The following TMCC3 variants were observed in gnomAD, a reference collection of about 807,000 sequenced individuals.
TMCC3 encodes transmembrane and coiled-coil domain protein 3.
A neutral mutation model predicts 40.2 loss-of-function variants in TMCC3; 28 were observed. That is an observed-to-expected ratio of 0.70 (90% CI 0.52 to 0.95). The LOEUF (loss-of-function observed/expected upper bound fraction) is 0.95. Among genes scored for constraint, TMCC3 ranks in the 40% least tolerant of loss-of-function variants. The pLI, the probability that TMCC3 is intolerant of heterozygous loss-of-function variation, is 0.00. For synonymous variants in TMCC3, 255 were observed against 248.5 expected, an observed-to-expected ratio of 1.03 and a Z score of -0.25; for missense variants, 554 against 615.2, an observed-to-expected ratio of 0.90 and a Z score of 1.05.
chr12:94,608,485 A>G (rs2068796357), intron 1 of TMCC3, among the ~76,000 whole-genome samples: 1 of 151,480 alleles, frequency 6.6e-6, no homozygotes, highest in African/African-American at 2.4e-5. Context: ...GCTCCCTCCA[A>G]CACCTGACAC....
chr12:94,597,742 G>A (rs1341347913), intron 1 of TMCC3, among the ~76,000 whole-genome samples: 1 of 152,042 alleles, frequency 6.6e-6, no homozygotes, highest in Non-Finnish European at 1.5e-5. Context: ...GGGAGGCGGA[G>A]GTTGCAGTGA....
chr12:94,606,368 TTC>T (rs1242751347), intron 1 of TMCC3, among the ~76,000 whole-genome samples: 15 of 73,404 alleles, frequency 2.0e-4, no homozygotes, highest in African/African-American at 6.1e-4. Context: ...TTTTTTCTTA[TTC>T]TTTTTTTTTT....
chr12:94,607,083 G>T (rs546156445), intron 1 of TMCC3, among the ~76,000 whole-genome samples: 9 of 152,222 alleles, frequency 5.9e-5, no homozygotes, highest in Middle Eastern at 3.4e-3. Context: ...CATTCCTTCC[G>T]CACGGTATTC....
At chr12:94,598,747 T>C in intron 1 of TMCC3, 3 of 985,446 alleles carry the variant, frequency 3.0e-6, no homozygotes, top group Non-Finnish European at 3.6e-6. Flanking sequence ...AAGATTCGTG[T>C]TTCAGGCAGA....
chr12:94,612,380 G>A (rs955309266), intron 1 of TMCC3, among the ~76,000 whole-genome samples: 12 of 151,802 alleles, frequency 7.9e-5, no homozygotes, highest in African/African-American at 2.4e-4. Context: ...GTGCGATCTC[G>A]GCTCACTGCA....
intron 1 of TMCC3, among the ~76,000 whole-genome samples, chr12:94,645,630 G>A (rs539096825): frequency 3.3e-5 from 5 of 152,152 alleles, no homozygotes; most frequent in African/African-American, 7.2e-5. Context: ...AGTAGAGACC[G>A]GATTTTACCA....
intron 1 of TMCC3, among the ~76,000 whole-genome samples, chr12:94,638,175 AAGAGTGATCT>A (rs1168379968): frequency 6.6e-6 from 1 of 152,166 alleles, no homozygotes; most frequent in African/African-American, 2.4e-5. Context: ...GTAAAAATAA[AAGAGTGATCT>A]AGCTGGAGAA....
rs117339474 is a variant in TMCC3, at chr12:94,645,920, T to C, written c.78+4433A>G. On this transcript the variant is annotated intron_variant, in intron 1 of 3. Coordinates refer to ENST00000261226, the MANE Select transcript of TMCC3 (RefSeq NM_020698.4). ...GTGGTTAACATCTATTGATTTCTTATTGTGCACCCGGCATGGAGTTAAACA... is the reference window on the plus strand; with the variant it reads ...GTGGTTAACATCTATTGATTTCTTACTGTGCACCCGGCATGGAGTTAAACA... Among the ~76,000 whole-genome samples the C allele has an allele frequency of 4.6e-3, 693 of 152,288 alleles. 44 individuals carry two copies. The East Asian group carries it at 0.12, about 26-fold the overall frequency.
At chr12:94,604,222 A>T (rs2068769194) in intron 1 of TMCC3, among the ~76,000 whole-genome samples, 1 of 152,218 alleles carries the variant, frequency 6.6e-6, no homozygotes, top group African/African-American at 2.4e-5. Flanking sequence ...TTATTACATA[A>T]TAGTCATTTA....
intron 1 of TMCC3, among the ~76,000 whole-genome samples, chr12:94,645,053 G>C (rs1304385411): frequency 6.6e-6 from 1 of 152,138 alleles, no homozygotes; most frequent in East Asian, 1.9e-4. Context: ...AAGAATAAAT[G>C]AGATACACCC....
chr12:94,577,803 GA>G (rs1290839858), intron 3 of TMCC3, among the ~76,000 whole-genome samples: 2 of 152,066 alleles, frequency 1.3e-5, no homozygotes, highest in Non-Finnish European at 2.9e-5. Flanking sequence ...TGATGGGCTT[GA>G]GGTGGATAAT....
At chr12:94,635,926 C>T (rs1263846414) in intron 1 of TMCC3, among the ~76,000 whole-genome samples, 1 of 152,128 alleles carries the variant, frequency 6.6e-6, no homozygotes, top group Non-Finnish European at 1.5e-5. Context: ...GCCTCGGCCT[C>T]CCAAAGTGCT....
chr12:94,572,186 G>C (rs1483449882), intron 3 of TMCC3, among the ~76,000 whole-genome samples: 1 of 151,984 alleles, frequency 6.6e-6, no homozygotes, highest in Non-Finnish European at 1.5e-5. Flanking sequence ...TTTTAGTAGA[G>C]ATGGGGTTTC....
chr12:94,603,996 A>G (rs1338863207), intron 1 of TMCC3, among the ~76,000 whole-genome samples: 1 of 152,240 alleles, frequency 6.6e-6, no homozygotes, highest in Non-Finnish European at 1.5e-5. Flanking sequence ...AAAGTTTCCC[A>G]AACTTTCATG....
chr12:94,646,145 A>C (rs900780687), intron 1 of TMCC3, among the ~76,000 whole-genome samples: 2 of 152,122 alleles, frequency 1.3e-5, no homozygotes, highest in African/African-American at 4.8e-5. Context: ...GATGGAACAG[A>C]AGTTGGTGAA....
intron 1 of TMCC3, among the ~76,000 whole-genome samples, chr12:94,608,810 C>T (rs910239553): frequency 6.6e-6 from 1 of 152,194 alleles, no homozygotes; most frequent in South Asian, 2.1e-4. Flanking sequence ...TGTATGTAGA[C>T]GTTACTGTGC....
chr12:94,603,741 C>T (rs747220059), intron 1 of TMCC3, among the ~76,000 whole-genome samples: 6 of 152,120 alleles, frequency 3.9e-5, no homozygotes, highest in Non-Finnish European at 7.4e-5. Context: ...TCCAACTGTA[C>T]ATTTAAGATG....
At chr12:94,643,496 A>G (rs1445785761) in intron 1 of TMCC3, among the ~76,000 whole-genome samples, 2 of 152,232 alleles carry the variant, frequency 1.3e-5, no homozygotes, top group Non-Finnish European at 2.9e-5. Flanking sequence ...TCAGGAGACC[A>G]AACATCAGGC....
Position 94,581,589 on chromosome 12 carries a change from TA to T in TMCC3, c.995+32del, listed in dbSNP as rs767031219. On this transcript the variant is annotated intron_variant, in intron 2 of 3. Coordinates refer to ENST00000261226, the MANE Select transcript of TMCC3 (RefSeq NM_020698.4). ...AATAAAAAAATAAATAAATAAAAAA[TA>T]AAAAACACGCCAATGGAATACTTTG... is the stretch of plus-strand genomic sequence containing the variant. 174 of 1,281,104 alleles carry T rather than the reference TA, an allele frequency of 1.4e-4. No individual in the cohort carries two copies. In the African/African-American group the frequency reaches 2.5e-3, roughly 18 times the overall value. 79.4% of individuals were successfully genotyped at this position (1,281,104 alleles called of 1,614,324 possible).
Sources: gnomAD v4.1 joint callset for allele counts (sites outside exome capture counted in the v4.1 genomes callset) on GRCh38, gnomAD v4.1.1 for gene constraint, MANE v1.5 for transcripts, NCBI Gene and HGNC (gene_info 2026-07-23, HGNC 2026-07-21) for gene names.